SCTR: variants seen among roughly 807,000 people sequenced by gnomAD.
SCTR encodes secretin receptor.
Under a neutral mutation model 60.8 loss-of-function variants are expected in SCTR, and 56 were observed. The ratio of observed to expected loss-of-function variants is 0.92; its 90% CI spans 0.74 to 1.15. The LOEUF is 1.15. Ranked by LOEUF, SCTR falls within the 50% of genes most tolerant of loss-of-function variation. The probability of loss-of-function intolerance (pLI) is 0.00; values close to 1 mark genes in which losing one functional copy is unlikely to be tolerated. For synonymous variants in SCTR, 202 were observed against 217.0 expected (o/e 0.93, Z 0.61); for missense variants, 562 against 550.4 (o/e 1.02, Z -0.21).
chr2:119,448,369 C>T (rs949673716), intron 10 of SCTR, among the ~76,000 whole-genome samples: 2 of 152,218 alleles, frequency 1.3e-5, no homozygotes, highest in African/African-American at 4.8e-5. Flanking sequence ...TGAAAATACA[C>T]ATACTGTACC....
chr2:119,503,251 G>T (rs766238562), intron 1 of SCTR, among the ~76,000 whole-genome samples: 2 of 151,926 alleles, frequency 1.3e-5, no homozygotes, highest in East Asian at 3.9e-4. Flanking sequence ...AATACAGATT[G>T]CTAAGTGAAA....
intron 12 of SCTR, among the ~76,000 whole-genome samples, 172 bp from the exon 13 acceptor site, chr2:119,440,429 A>G (rs557099804): frequency 6.6e-6 from 1 of 152,320 alleles, no homozygotes; most frequent in Non-Finnish European, 1.5e-5. Flanking sequence ...TCCAGTAGCT[A>G]CTGAGGGTCC....
chr2:119,518,510 C>G (rs11689041), intron 1 of SCTR, among the ~76,000 whole-genome samples: 9 of 152,064 alleles, frequency 5.9e-5, no homozygotes, highest in Non-Finnish European at 1.2e-4. Context: ...GACTGCGGGA[C>G]GTGATGAACC....
chr2:119,466,128 C>T (rs1479141092), intron 4 of SCTR, among the ~76,000 whole-genome samples: 1 of 152,032 alleles, frequency 6.6e-6, no homozygotes, highest in Non-Finnish European at 1.5e-5. Flanking sequence ...TTCAAACTTC[C>T]ATCTTATGTA....
At chr2:119,461,515 T>C (rs555988697) in intron 7 of SCTR, among the ~76,000 whole-genome samples, 58 of 152,220 alleles carry the variant, frequency 3.8e-4, no homozygotes, top group Non-Finnish European at 6.6e-4. Flanking sequence ...AGTTCAAAAC[T>C]AGTCTGACCA....
chr2:119,520,850 G>T (rs757321821), intron 1 of SCTR, among the ~76,000 whole-genome samples: 3 of 152,180 alleles, frequency 2.0e-5, no homozygotes, highest in East Asian at 3.8e-4. Flanking sequence ...AATGTGAAAT[G>T]AATACCTATT....
chr2:119,483,378 C>T (rs902311036), intron 2 of SCTR, among the ~76,000 whole-genome samples: 1 of 152,184 alleles, frequency 6.6e-6, no homozygotes, highest in Admixed American at 6.5e-5. Flanking sequence ...GCTGGGATCC[C>T]ACTCAGCCTT....
intron 4 of SCTR, among the ~76,000 whole-genome samples, chr2:119,473,057 G>T (rs1573851656): frequency 6.6e-6 from 1 of 152,230 alleles, no homozygotes; most frequent in East Asian, 1.9e-4. Flanking sequence ...GATGAAGAAA[G>T]TGAGGCACGT....
chr2:119,509,261 A>G (rs1301962048), intron 1 of SCTR, among the ~76,000 whole-genome samples: 2 of 152,218 alleles, frequency 1.3e-5, no homozygotes, highest in Non-Finnish European at 2.9e-5. Flanking sequence ...GCCTGGATCA[A>G]TCACACCCTA....
chr2:119,459,581 G>T (rs1683517440), intron 7 of SCTR, among the ~76,000 whole-genome samples: 1 of 152,178 alleles, frequency 6.6e-6, no homozygotes, highest in Non-Finnish European at 1.5e-5. Flanking sequence ...ACCCTTCAGG[G>T]TCTCTTTGGT....
At chr2:119,506,165 A>G (rs1678733956) in intron 1 of SCTR, among the ~76,000 whole-genome samples, 2 of 152,244 alleles carry the variant, frequency 1.3e-5, no homozygotes, top group South Asian at 2.1e-4. Context: ...CATTTATCCC[A>G]GAGGAATGAA....
At chr2:119,502,458 T>C (rs543648470) in intron 1 of SCTR, among the ~76,000 whole-genome samples, 7 of 152,338 alleles carry the variant, frequency 4.6e-5, no homozygotes, top group African/African-American at 1.7e-4. Flanking sequence ...TTCCAAACTA[T>C]GTTTAACACA....
chr2:119,461,711 C>CAAAAAAAA (rs539293803), intron 7 of SCTR, 136 bp downstream of exon 7: 1 of 278,852 alleles, frequency 3.6e-6, no homozygotes, highest in Non-Finnish European at 5.8e-6. Flanking sequence ...AACTCCAACT[C>CAAAAAAAA]AAAAAAAAAA....
chr2:119,498,192 G>A (rs1678419354), intron 1 of SCTR, among the ~76,000 whole-genome samples: 1 of 152,186 alleles, frequency 6.6e-6, no homozygotes, highest in African/African-American at 2.4e-5. Flanking sequence ...TTTTCCATCA[G>A]AAGTTACAGG....
At chr2:119,456,693 A>T (rs1683389810) in intron 7 of SCTR, among the ~76,000 whole-genome samples, 1 of 152,172 alleles carries the variant, frequency 6.6e-6, no homozygotes, top group African/African-American at 2.4e-5. Context: ...ATGTCAACCC[A>T]GCACCTCAGA....
At chr2:119,452,501 C>T (rs1385078376) in intron 8 of SCTR, among the ~76,000 whole-genome samples, 1 of 152,120 alleles carries the variant, frequency 6.6e-6, no homozygotes, top group East Asian at 1.9e-4. Flanking sequence ...GTGCCCTGTC[C>T]AAGACAGCCG....
Position 119,465,903 on chromosome 2 carries a change from G to C in SCTR, c.406-17C>G, listed in dbSNP as rs949189295. On this transcript the variant is annotated splice_polypyrimidine_tract_variant and intron_variant, in intron 4 of 12. Coordinates refer to ENST00000019103, the MANE Select transcript of SCTR (RefSeq NM_002980.3). ...GTAGGAGTGCTGCAGAGAGAGGCAC[G>C]TGTCAGCCCCGCCGGCCCTCCTGGC... The C allele has an allele frequency of 3.2e-6, 5 of 1,585,452 alleles. No homozygotes were observed. The highest frequency in any genetic ancestry group is 4.3e-6 in the Non-Finnish European group (5 of 1,154,176).
chr2:119,463,894 G>A (rs368132662), intron 6 of SCTR, among the ~76,000 whole-genome samples: 7 of 152,102 alleles, frequency 4.6e-5, no homozygotes, highest in Admixed American at 2.0e-4. Flanking sequence ...GGGAGTTTAC[G>A]GCAACCCCCA....
intron 1 of SCTR, among the ~76,000 whole-genome samples, chr2:119,519,832 AAAAG>A (rs1679234122): frequency 7.1e-6 from 1 of 140,220 alleles, no homozygotes; most frequent in African/African-American, 2.6e-5. Flanking sequence ...AAAAAAGAAA[AAAAG>A]AAAAGAAAAA....
Sources: allele counts gnomAD v4.1 joint callset (sites outside exome capture counted in the v4.1 genomes callset), GRCh38; gene constraint gnomAD v4.1.1; transcripts MANE v1.5; gene names NCBI Gene and HGNC (gene_info 2026-07-23, HGNC 2026-07-21).